Variants in GRID2 observed in about 807,000 individuals in gnomAD.
GRID2 encodes glutamate receptor ionotropic, delta-2.
In GRID2, 33 loss-of-function variants were observed where a neutral mutation model predicts 114.8. That is an observed-to-expected ratio of 0.29 (90% CI 0.22 to 0.38). The LOEUF (loss-of-function observed/expected upper bound fraction) is 0.38. Ranked by LOEUF, GRID2 falls within the 10% of genes least tolerant of loss-of-function variation. GRID2 has a pLI of 1.00. For missense variants in GRID2, 1,184 were observed against 1,257.7 expected (o/e 0.94, Z 0.89); for synonymous variants, 505 against 449.9 (o/e 1.12, Z -1.55).
At chr4:92,359,911 T>G (rs936330025) in intron 1 of GRID2, among the ~76,000 whole-genome samples, 5 of 152,008 alleles carry the variant, frequency 3.3e-5, no homozygotes, top group Non-Finnish European at 7.4e-5. Flanking sequence ...AAAATCTTTA[T>G]AGTTGGGTAC....
intron 2 of GRID2, among the ~76,000 whole-genome samples, chr4:92,916,477 A>G (rs1433770488): frequency 6.6e-6 from 1 of 152,106 alleles, no homozygotes; most frequent in Non-Finnish European, 1.5e-5. Flanking sequence ...GTCATTTAAC[A>G]TTAGGTATAT....
chr4:93,000,479 G>A (rs951610323), intron 2 of GRID2, among the ~76,000 whole-genome samples: 8 of 151,364 alleles, frequency 5.3e-5, no homozygotes, highest in African/African-American at 1.9e-4. Context: ...AAAATCTATA[G>A]CTTATTAAAA....
intron 2 of GRID2, among the ~76,000 whole-genome samples, chr4:92,636,963 G>A (rs1045200276): frequency 7.2e-5 from 11 of 151,726 alleles, no homozygotes; most frequent in African/African-American, 2.4e-4. Flanking sequence ...GTTGTCAAAC[G>A]TATTTTCTGA....
chr4:93,508,316 C>G (rs1209183822), intron 12 of GRID2, among the ~76,000 whole-genome samples: 1 of 151,348 alleles, frequency 6.6e-6, no homozygotes, highest in Admixed American at 6.6e-5. Context: ...CCTGCCTCAG[C>G]CTCCCGAGTA....
At chr4:92,927,993 A>T (rs537994745) in intron 2 of GRID2, among the ~76,000 whole-genome samples, 2 of 151,840 alleles carry the variant, frequency 1.3e-5, no homozygotes, top group South Asian at 4.1e-4. Flanking sequence ...TTCAAATTTT[A>T]CAGCATTTCA....
intron 14 of GRID2, among the ~76,000 whole-genome samples, chr4:93,729,848 T>A (rs1036280733): frequency 6.6e-6 from 1 of 152,188 alleles, no homozygotes; most frequent in Non-Finnish European, 1.5e-5. Flanking sequence ...CACTTTGATT[T>A]ATGGCACCCA....
At chr4:93,726,338 G>T (rs564461445) in intron 14 of GRID2, among the ~76,000 whole-genome samples, 1 of 147,088 alleles carries the variant, frequency 6.8e-6, no homozygotes, top group Admixed American at 6.8e-5. Context: ...TGTTCCATTG[G>T]TCTATATCTC....
At chr4:93,649,144 A>G (rs1578476133) in intron 14 of GRID2, among the ~76,000 whole-genome samples, 2 of 152,156 alleles carry the variant, frequency 1.3e-5, no homozygotes, top group Admixed American at 1.3e-4. Flanking sequence ...TCATTTTTTA[A>G]CGGCTATTTT....
chr4:93,362,724 T>C (rs992507632), intron 8 of GRID2, among the ~76,000 whole-genome samples: 2 of 152,038 alleles, frequency 1.3e-5, no homozygotes, highest in African/African-American at 4.8e-5. Flanking sequence ...GATCTTTCAT[T>C]CTGCCTCCAG....
At chr4:93,791,820 C>T (rs1451742250) in intron 1 of GRID2, among the ~76,000 whole-genome samples, 1 of 147,664 alleles carries the variant, frequency 6.8e-6, no homozygotes, top group Non-Finnish European at 1.5e-5. Context: ...GAGAGTTTAG[C>T]TTTAAATTCT....
chr4:92,570,445 T>G (rs1336759604), intron 1 of GRID2, among the ~76,000 whole-genome samples: 1 of 152,264 alleles, frequency 6.6e-6, no homozygotes, highest in South Asian at 2.1e-4. Flanking sequence ...TTGGGCTCTT[T>G]TTGGCTCCAT....
chr4:92,617,117 A>G (rs191837476), intron 2 of GRID2, among the ~76,000 whole-genome samples: 7 of 151,502 alleles, frequency 4.6e-5, no homozygotes, highest in Admixed American at 1.3e-4. Flanking sequence ...GTTTCAAACT[A>G]TATATATCCT....
intron 2 of GRID2, among the ~76,000 whole-genome samples, chr4:92,951,168 A>G (rs17020029): frequency 0.015 from 2,244 of 152,104 alleles, 20 homozygotes; most frequent in East Asian, 0.054. Context: ...TGTTTTCACT[A>G]CTGTTTATTA....
intron 2 of GRID2, among the ~76,000 whole-genome samples, chr4:92,915,632 A>G (rs1185240333): frequency 1.3e-5 from 2 of 151,982 alleles, no homozygotes; most frequent in Non-Finnish European, 2.9e-5. Flanking sequence ...TTTTTGAGGG[A>G]TCAACCCACT....
At chr4:92,955,394 G>T (rs1308845032) in intron 2 of GRID2, among the ~76,000 whole-genome samples, 24 of 152,258 alleles carry the variant, frequency 1.6e-4, no homozygotes, top group South Asian at 8.3e-4. Flanking sequence ...TCATGTGTCT[G>T]TTGGCTGCAT....
chr4:92,930,511 C>G (rs1750143037), intron 2 of GRID2, among the ~76,000 whole-genome samples: 1 of 149,480 alleles, frequency 6.7e-6, no homozygotes, highest in Non-Finnish European at 1.5e-5. Context: ...GCAAACTGCA[C>G]TATGAAGACA....
chr4:93,263,451 T>C (rs1750475459), intron 8 of GRID2, among the ~76,000 whole-genome samples: 1 of 152,052 alleles, frequency 6.6e-6, no homozygotes, highest in Admixed American at 6.6e-5. Context: ...TGGCATTCTA[T>C]AAAGAATTAA....
At chr4:93,713,965 AT>A (rs1319685594) in intron 14 of GRID2, among the ~76,000 whole-genome samples, 4 of 151,982 alleles carry the variant, frequency 2.6e-5, no homozygotes, top group Non-Finnish European at 5.9e-5. Context: ...TCAGGGGTAT[AT>A]GTGCAGGATG....
At chr4:92,411,590 G>T (rs997663847) in intron 1 of GRID2, among the ~76,000 whole-genome samples, 4 of 145,466 alleles carry the variant, frequency 2.7e-5, no homozygotes, top group African/African-American at 7.8e-5. Context: ...AAGACATAAA[G>T]AATAAATTTG....
Sources: gnomAD v4.1 joint callset for allele counts (sites outside exome capture counted in the v4.1 genomes callset) on GRCh38, gnomAD v4.1.1 for gene constraint, MANE v1.5 for transcripts, NCBI Gene and HGNC (gene_info 2026-07-23, HGNC 2026-07-21) for gene names.